The following TONSL variants were observed in gnomAD, a reference collection of about 807,000 sequenced individuals.
TONSL encodes tonsoku like, DNA repair protein, also known as tonsoku-like protein.
Under a neutral mutation model 147.1 loss-of-function variants are expected in TONSL, and 112 were observed. The ratio of observed to expected loss-of-function variants is 0.76; its 90% CI spans 0.65 to 0.89. The LOEUF is 0.89. Ranked by LOEUF, TONSL falls within the 40% of genes least tolerant of loss-of-function variation. TONSL has a pLI of 0.00. For synonymous variants in TONSL, 868 were observed against 801.5 expected (o/e 1.08, Z -1.40); for missense variants, 1,883 against 1,864.6 (o/e 1.01, Z -0.18).
At chr8:144,438,856 C>T (rs1823586243) in intron 11 of TONSL, 121 bp from the exon 12 acceptor site, 3 of 1,037,912 alleles carry the variant, frequency 2.9e-6, no homozygotes, top group Non-Finnish European at 4.3e-6. Context: ...GAGGGCTGAG[C>T]TCTGAGGCTG....
Position 144,440,816 on chromosome 8 carries a change from C to T in TONSL, c.1066G>A (p.Val356Met), listed in dbSNP as rs770935862. The T allele has an allele frequency of 1.9e-6, 3 of 1,612,916 alleles. No homozygotes were observed. Among genetic ancestry groups the T allele is most frequent in the Non-Finnish European group, 2.5e-6 (3 of 1,179,962 alleles). ...TCTCCCAGTGTGGTGGCCAGGGACA[C>T]GTGGATGATGGCCCGCTCAGCACCC... ...RPGAERAIIH[V>M]SLATTLGDMK... Residue 356 changes from valine to methionine, a missense_variant, in exon 9 of 26, where the codon GTG becomes ATG. Physicochemically the swap from Val to Met is conservative, Grantham distance 21. Coordinates refer to ENST00000409379, the MANE Select transcript of TONSL (RefSeq NM_013432.5).
chr8:144,438,718 G>A lies in TONSL; in HGVS notation c.1498C>T (p.Leu500=). 1 of 1,613,168 alleles carries A rather than the reference G, an allele frequency of 6.2e-7. No homozygotes were observed. Among genetic ancestry groups the A allele is most frequent in the Non-Finnish European group, 8.5e-7 (1 of 1,179,926 alleles). The change falls in exon 12 of 26, where the codon CTG becomes TTG. Residue 500 remains leucine (L), a synonymous_variant. Coordinates refer to ENST00000409379, the MANE Select transcript of TONSL (RefSeq NM_013432.5). ...LSEGEDDTDG[L]TPQLEEDEEL... Reference sequence around the variant, plus strand: ...TCGTCCTCCTCCAGCTGCGGGGTCAGGCCATCGGTGTCGTCCTCTGGAACA... The same window carrying A: ...TCGTCCTCCTCCAGCTGCGGGGTCAAGCCATCGGTGTCGTCCTCTGGAACA...
chr8:144,429,115 G>C lies in TONSL; in HGVS notation c.*28C>G. 2.7e-6 allele frequency: 4 copies of C among 1,500,400 alleles called. No homozygotes were observed. The highest frequency in any genetic ancestry group is 1.2e-5 in the South Asian group (1 of 80,966). 92.9% of individuals were successfully genotyped at this position (1,500,400 alleles called of 1,614,324 possible). A position where few individuals can be genotyped will look rare whatever the true frequency, so the allele number is the denominator to read the frequency against. ...GCAGCTTCATTTATTAGGGGCTTCG[G>C]TGAGGGTGGGGAAAGGCAGCGCCAG... On this transcript the variant is annotated 3_prime_UTR_variant, in exon 26 of 26. Transcript: ENST00000409379.
chr8:144,440,555 C>T (rs1823672986), intron 9 of TONSL, 79 bp from the exon 10 acceptor site: 3 of 1,529,936 alleles, frequency 2.0e-6, no homozygotes, highest in Non-Finnish European at 2.6e-6. Context: ...CCCCGGCTGC[C>T]CAGACGAAAT....
At chr8:144,439,678 G>C (rs1013702956) in intron 11 of TONSL, 1 of 342,262 alleles carries the variant, frequency 2.9e-6, no homozygotes, top group African/African-American at 2.2e-5. Flanking sequence ...CTGCTCTGAA[G>C]GGTTTCAGGA....
chr8:144,437,107 C>T lies in TONSL; in HGVS notation c.1654-8G>A, dbSNP rs1249581102. ...AGGGTTAAGGGGGTGGCCCTGTGAC[C>T]AAGGACAGGAAGGAGCCTGGCCCTG... On this transcript the variant is annotated splice_polypyrimidine_tract_variant and splice_region_variant and intron_variant, in intron 13 of 25. Transcript: ENST00000409379. 6.2e-7 allele frequency: 1 copy of T among 1,612,082 alleles called. No individual in the cohort carries two copies. The highest frequency in any genetic ancestry group is 8.5e-7 in the Non-Finnish European group (1 of 1,179,688).
chr8:144,441,901 G>A (rs1823732762), intron 7 of TONSL, 136 bp downstream of exon 7: 2 of 673,446 alleles, frequency 3.0e-6, no homozygotes, highest in African/African-American at 3.7e-5. Context: ...TGCTGAAGCT[G>A]CTGCCTCCAA....
Position 144,430,511 on chromosome 8 carries a change from A to C in TONSL, c.3836T>G (p.Ile1279Ser). 6.2e-7 allele frequency: 1 copy of C among 1,613,128 alleles called. No homozygotes were observed. The part of the protein sequence containing the change: ...CRCLSLCPSL[I>S]SLDLSANPEI... ...AGGGTTGGCAGACAGATCCAGTGAG[A>C]TGAGTGAGGGGCACAGAGAGAGACA... is the stretch of plus-strand genomic sequence containing the variant. Residue 1279 changes from isoleucine (I) to serine (S), a missense_variant, in exon 25 of 26, where the codon ATC becomes AGC. Physicochemically the swap from Ile to Ser is moderately radical, Grantham distance 142 (BLOSUM62 -2). Coordinates refer to ENST00000409379, the MANE Select transcript of TONSL (RefSeq NM_013432.5).
At position 144,428,957 on chromosome 8, in the gene TONSL, T is replaced by G; in HGVS notation, c.*186A>C. On this transcript the variant is annotated 3_prime_UTR_variant, in exon 26 of 26. Coordinates refer to ENST00000409379, the MANE Select transcript of TONSL (RefSeq NM_013432.5). ...GGCTTCCACCACCACGCCCGGCTAA[T>G]TTTTGGTATTTTTAGTAGAGACGGG... is the stretch of plus-strand genomic sequence containing the variant. 2.6e-4 allele frequency: 146 copies of G among 553,464 alleles called. No homozygotes were observed. Among genetic ancestry groups the G allele is most frequent in the Middle Eastern group, 5.1e-4 (1 of 1,944 alleles). 34.3% of individuals were successfully genotyped at this position (553,464 alleles called of 1,614,324 possible).
At chr8:144,441,142 G>A (rs777048104) in intron 7 of TONSL, 31 bp from the exon 8 acceptor site, 2 of 1,608,150 alleles carry the variant, frequency 1.2e-6, no homozygotes, top group South Asian at 1.1e-5. Context: ...CAGGGGGGCA[G>A]CACAGGGGGC....
At chr8:144,439,985 A>G (rs1416721066) in intron 11 of TONSL, 36 bp downstream of exon 11, 2 of 863,384 alleles carry the variant, frequency 2.3e-6, no homozygotes, top group Non-Finnish European at 4.0e-6. Context: ...GGCCCAGAGC[A>G]GGCCCAGGGA....
Position 144,435,177 on chromosome 8 carries a change from G to A in TONSL, c.2853-7C>T. 2.0e-6 allele frequency: 3 copies of A among 1,518,478 alleles called. No individual in the cohort carries two copies. The highest frequency in any genetic ancestry group is 2.6e-6 in the Non-Finnish European group (3 of 1,134,406). 94.1% of individuals were successfully genotyped at this position (1,518,478 alleles called of 1,614,324 possible). A position where few individuals can be genotyped will look rare whatever the true frequency, so the allele number is the denominator to read the frequency against. ...CACAGAGTGGGTGTCACTGCTGCAG[G>A]GACAGAGGCGCTGCTGCTGCTGCCT... On this transcript the variant is annotated splice_region_variant and splice_polypyrimidine_tract_variant and intron_variant, in intron 18 of 25. Transcript: ENST00000409379.
chr8:144,433,850 T>C, intron 21 of TONSL, 91 bp from the exon 22 acceptor site: 1 of 1,476,278 alleles, frequency 6.8e-7, no homozygotes, highest in South Asian at 1.4e-5. Context: ...TTCCCCACCT[T>C]GCCTGGCATA....
intron 23 of TONSL, among the ~76,000 whole-genome samples, chr8:144,431,417 G>T (rs1823184900): frequency 6.6e-6 from 1 of 152,288 alleles, no homozygotes; most frequent in Admixed American, 6.5e-5. Context: ...CCTGGCGGGG[G>T]GCAAGATCAC....
In TONSL at chr8:144,438,461, C is replaced by T. The variant is rs200145824; in HGVS notation, c.1653+10G>A. On this transcript the variant is annotated intron_variant, in intron 13 of 25. Coordinates refer to ENST00000409379, the MANE Select transcript of TONSL (RefSeq NM_013432.5). ...AGGCAGCCTGTCCCACGTCCCAGAG[C>T]GGGGCCCACCTGCCTCACAAGGTCC... 13 of 1,611,418 alleles carry T rather than the reference C, an allele frequency of 8.1e-6. No individual in the cohort carries two copies. The Admixed American group carries it at 8.3e-5, about 10-fold the overall frequency.
chr8:144,429,216 A>T lies in TONSL; in HGVS notation c.4064T>A (p.Leu1355Gln). 1 of 1,535,602 alleles carries T rather than the reference A, an allele frequency of 6.5e-7. No homozygotes were observed. The highest frequency in any genetic ancestry group is 8.7e-7 in the Non-Finnish European group (1 of 1,144,852). ...GCCGGGGCCCGGCCGACTGGGCTGC[A>T]GCTGGCGCAGGGCGTCCCTGTCCTC... is the stretch of plus-strand genomic sequence containing the variant. ...CAEDRDALRQ[L>Q]QPSRPGPGEC... Residue 1355 changes from leucine (L) to glutamine (Q), a missense_variant, in exon 26 of 26, where the codon CTG (leucine) becomes CAG (glutamine). Physicochemically the swap from Leu to Gln is moderately radical, Grantham distance 113. Coordinates refer to ENST00000409379, the MANE Select transcript of TONSL (RefSeq NM_013432.5).
At position 144,434,186 on chromosome 8, in the gene TONSL, G is replaced by C; in HGVS notation, c.3179C>G (p.Thr1060Arg). The C allele has an allele frequency of 6.2e-7, 1 of 1,600,302 alleles. No homozygotes were observed. The highest frequency in any genetic ancestry group is 2.2e-5 in the East Asian group (1 of 44,604). ...CAGCTTGAGGGCCCGCAGCAGGGGTGTAAGCTGGGCCTGGTCCAGGGCCAG... is the reference window on the plus strand; with the variant it reads ...CAGCTTGAGGGCCCGCAGCAGGGGTCTAAGCTGGGCCTGGTCCAGGGCCAG... Reference protein sequence around the residue: ...CSLALDQAQLTPLLRALKLHT... With the variant: ...CSLALDQAQLRPLLRALKLHT... Residue 1060 changes from threonine (T) to arginine (R), a missense_variant, in exon 21 of 26, where the codon ACA (threonine) becomes AGA (arginine). Transcript: ENST00000409379.
In TONSL at chr8:144,435,646, C is replaced by G. The variant is rs118010835; in HGVS notation, c.2775+12G>C. Reference sequence around the variant, plus strand: ...GTGGGGAGAGGGCTCTGCTCCAGGTCTGCATACCCACCAAGGGCTGGCCTG... The same window carrying G: ...GTGGGGAGAGGGCTCTGCTCCAGGTGTGCATACCCACCAAGGGCTGGCCTG... On this transcript the variant is annotated intron_variant, in intron 17 of 25. Coordinates refer to ENST00000409379, the MANE Select transcript of TONSL (RefSeq NM_013432.5). 3.4e-4 allele frequency: 537 copies of G among 1,594,208 alleles called. 7 individuals are homozygous for G. The East Asian group carries it at 0.011, about 31-fold the overall frequency.
In TONSL at chr8:144,430,388, C is replaced by A. The variant is rs1554878378; in HGVS notation, c.3943+16G>T. On this transcript the variant is annotated intron_variant, in intron 25 of 25. Transcript: ENST00000409379. ...AGGCCGAACATGGCAGGCGTGGCCA[C>A]CATACCAGCACTCACCTGACAGGCC... The A allele has an allele frequency of 6.3e-7, 1 of 1,581,528 alleles. No homozygotes were observed. The highest frequency in any genetic ancestry group is 8.6e-7 in the Non-Finnish European group (1 of 1,164,556).
Sources: gnomAD v4.1 joint callset for allele counts (sites outside exome capture counted in the v4.1 genomes callset) on GRCh38, gnomAD v4.1.1 for gene constraint, MANE v1.5 for transcripts, NCBI Gene and HGNC (gene_info 2026-07-23, HGNC 2026-07-21) for gene names.